The following NEK4 variants were observed in gnomAD, a reference collection of about 807,000 sequenced individuals.
NEK4 encodes serine/threonine-protein kinase Nek4.
A neutral mutation model predicts 98.4 loss-of-function variants in NEK4; 86 were observed. The observed-to-expected ratio is 0.87, with a 90% CI of 0.73 to 1.05. NEK4 has a LOEUF of 1.05. NEK4 is among the 50% of genes least tolerant of loss of function. The probability of loss-of-function intolerance (pLI) is 0.00; values close to 1 mark genes in which losing one functional copy is unlikely to be tolerated. For missense variants in NEK4, 898 were observed against 950.3 expected, an observed-to-expected ratio of 0.94 and a Z score of 0.72; for synonymous variants, 328 against 342.2, an observed-to-expected ratio of 0.96 and a Z score of 0.46.
At chr3:52,724,384 A>G (rs1016030475) in intron 15 of NEK4, among the ~76,000 whole-genome samples, 3 of 152,206 alleles carry the variant, frequency 2.0e-5, no homozygotes, top group Non-Finnish European at 1.5e-5. Flanking sequence ...GGAGGCCAGA[A>G]AGCAGTGGGC....
chr3:52,752,459 T>G, intron 6 of NEK4, 123 bp from the exon 7 acceptor site: 1 of 859,850 alleles, frequency 1.2e-6, no homozygotes, highest in Non-Finnish European at 1.8e-6. Flanking sequence ...ACTCAGCAAT[T>G]CCACTCCTAA....
intron 6 of NEK4, among the ~76,000 whole-genome samples, chr3:52,755,669 A>G (rs887035573): frequency 6.6e-6 from 1 of 152,178 alleles, no homozygotes; most frequent in Non-Finnish European, 1.5e-5. Flanking sequence ...TAGTCAATAT[A>G]GTACTAGAAG....
At chr3:52,736,223 A>G (rs527392582) in intron 15 of NEK4, among the ~76,000 whole-genome samples, 5 of 152,218 alleles carry the variant, frequency 3.3e-5, no homozygotes, top group Admixed American at 6.5e-5. Flanking sequence ...GCGGGGGGGA[A>G]TTTATTTTCC....
At chr3:52,716,774 A>C (rs539495799) in intron 15 of NEK4, among the ~76,000 whole-genome samples, 47 of 152,356 alleles carry the variant, frequency 3.1e-4, no homozygotes, top group Admixed American at 5.9e-4. Context: ...CTTTTGACAG[A>C]AGAAACATTT....
At chr3:52,735,549 T>C (rs1404749823) in intron 15 of NEK4, among the ~76,000 whole-genome samples, 1 of 152,232 alleles carries the variant, frequency 6.6e-6, no homozygotes, top group Non-Finnish European at 1.5e-5. Context: ...GGTTAAGAAA[T>C]GTGTTTTACG....
rs1294059279 is a variant in NEK4 at position 52,768,422 on chromosome 3, G to T, written c.276C>A (p.Tyr92Ter). 3.1e-6 allele frequency: 5 copies of T among 1,614,060 alleles called. No individual in the cohort carries two copies. Among genetic ancestry groups the T allele is most frequent in the Non-Finnish European group, 4.2e-6 (5 of 1,179,998 alleles). The change falls in exon 2 of 16, where the codon TAC (tyrosine) becomes TAA (stop). Residue 92 changes from tyrosine (Y) to a stop codon, truncating the protein, a stop_gained. Transcript: ENST00000233027. LOFTEE classifies it high-confidence loss of function. Reference sequence around the variant, plus strand: ...GCCCTTTCTGCTCCTTGAGCTTTCGGTACAAATCACCTCCTTCACAGAAGC... The same window carrying T: ...GCCCTTTCTGCTCCTTGAGCTTTCGTTACAAATCACCTCCTTCACAGAAGC... ...VMGFCEGGDLYRKLKEQKGQL... is the reference protein window; with the variant it reads ...VMGFCEGGDL
At chr3:52,746,986 G>T in intron 8 of NEK4, 82 bp from the exon 9 acceptor site, 5 of 1,137,054 alleles carry the variant, frequency 4.4e-6, no homozygotes, top group East Asian at 2.4e-5. Flanking sequence ...CATAAAAAGT[G>T]GCTTTTGTTT....
At chr3:52,717,225 T>A (rs545841982) in intron 15 of NEK4, among the ~76,000 whole-genome samples, 1 of 151,994 alleles carries the variant, frequency 6.6e-6, no homozygotes, top group African/African-American at 2.4e-5. Flanking sequence ...CTGGCCAACA[T>A]GGTGAAACCG....
At chr3:52,725,447 G>A (rs1258681244) in intron 15 of NEK4, among the ~76,000 whole-genome samples, 3 of 151,978 alleles carry the variant, frequency 2.0e-5, no homozygotes, top group African/African-American at 7.2e-5. Flanking sequence ...CCCGGGAGGC[G>A]GAGCTTGCAG....
intron 10 of NEK4, among the ~76,000 whole-genome samples, chr3:52,745,791 C>T (rs2097395082): frequency 6.6e-6 from 1 of 152,100 alleles, no homozygotes; most frequent in Admixed American, 6.6e-5. Context: ...GGCATGATCT[C>T]GGCTCACCTT....
chr3:52,739,083 A>T (rs2097381170), intron 14 of NEK4, among the ~76,000 whole-genome samples: 1 of 152,348 alleles, frequency 6.6e-6, no homozygotes, highest in South Asian at 2.1e-4. Flanking sequence ...TCCAATAAAC[A>T]CATGCTCTCC....
rs770001642 is a variant in NEK4, at chr3:52,749,698, G to T, written c.1500C>A (p.His500Gln). ...RVAGITGVCH[H>Q]AQDQVAGECI... ...GAAAAACTGCAAAAATTACCTGGGC[G>T]TGGTGGCACACGCCTGTAATCCCAG... Residue 500 changes from histidine to glutamine, a missense_variant, in exon 8 of 16, where the codon CAC (histidine) becomes CAA (glutamine). Transcript: ENST00000233027. The T allele has an allele frequency of 1.2e-5, 3 of 255,922 alleles. No individual in the cohort carries two copies. The highest frequency in any genetic ancestry group is 8.0e-6 in the Non-Finnish European group (1 of 125,538). The allele number at this position is 255,922 out of a possible 1,614,324, so 15.9% of individuals were successfully genotyped here. A position where few individuals can be genotyped will look rare whatever the true frequency, so the allele number is the denominator to read the frequency against.
chr3:52,752,255 A>C lies in NEK4; in HGVS notation c.1045T>G (p.Cys349Gly), dbSNP rs770577123. The change falls in exon 7 of 16, where the codon TGC becomes GGC. Residue 349 changes from cysteine to glycine, a missense_variant. Physicochemically the swap from Cys to Gly is radical, Grantham distance 159. Transcript: ENST00000233027. Reference sequence around the variant, plus strand: ...GTGGTATTGCTCAAGTCCTGTTTGCAGGTATGGGCTTTCAGACTGGCAGGT... The same window carrying C: ...GTGGTATTGCTCAAGTCCTGTTTGCCGGTATGGGCTTTCAGACTGGCAGGT... ...KSPASLKAHT[C>G]KQDLSNTTEL... 20 of 1,614,038 alleles carry C rather than the reference A, an allele frequency of 1.2e-5. 1 individual carries two copies. The South Asian group carries it at 2.0e-4, about 16-fold the overall frequency.
intron 15 of NEK4, among the ~76,000 whole-genome samples, chr3:52,712,124 T>A (rs748365403): frequency 2.0e-5 from 3 of 152,232 alleles, no homozygotes; most frequent in Non-Finnish European, 4.4e-5. Context: ...CATTCGTATA[T>A]AAAGAGTTCT....
intron 6 of NEK4, among the ~76,000 whole-genome samples, chr3:52,755,433 C>G (rs565208614): frequency 6.6e-6 from 1 of 151,318 alleles, no homozygotes; most frequent in South Asian, 2.1e-4. Context: ...AAAAAAAACA[C>G]ATGATCATCA....
intron 15 of NEK4, among the ~76,000 whole-genome samples, chr3:52,735,494 T>C (rs1291318673): frequency 6.6e-6 from 1 of 152,238 alleles, no homozygotes; most frequent in Non-Finnish European, 1.5e-5. Context: ...TGAATGAATT[T>C]TTCAACAAAA....
chr3:52,731,697 C>A (rs973378041), intron 15 of NEK4, among the ~76,000 whole-genome samples: 2 of 152,134 alleles, frequency 1.3e-5, no homozygotes, highest in African/African-American at 2.4e-5. Context: ...AAGGTCATGC[C>A]GCAGCACACA....
rs778563165 is a variant in NEK4 at position 52,743,448 on chromosome 3, C to T, written c.1908G>A (p.Arg636=). Reference sequence around the variant, plus strand: ...GCCCTGCTACACTCAGAGACGCTTTCCTCACTGAAGGGCCTGAAAAGGCAA... The same window carrying T: ...GCCCTGCTACACTCAGAGACGCTTTTCTCACTGAAGGGCCTGAAAAGGCAA... ...EEMSSSGPSV[R]KASLSVAGPG... Residue 636 remains arginine (R), a synonymous_variant, in exon 12 of 16, where the codon AGG becomes AGA. Coordinates refer to ENST00000233027, the MANE Select transcript of NEK4 (RefSeq NM_003157.6). 75 of 1,613,958 alleles carry T rather than the reference C, an allele frequency of 4.6e-5. No homozygotes were observed. The Admixed American group carries it at 6.2e-4, about 13-fold the overall frequency.
chr3:52,719,248 C>T (rs1017564140), intron 15 of NEK4, among the ~76,000 whole-genome samples: 14 of 152,132 alleles, frequency 9.2e-5, no homozygotes, highest in African/African-American at 3.4e-4. Context: ...AGAAAGGCAA[C>T]TGGGAGGAGA....
Sources: allele counts gnomAD v4.1 joint callset (sites outside exome capture counted in the v4.1 genomes callset), GRCh38; gene constraint gnomAD v4.1.1; transcripts MANE v1.5; gene names NCBI Gene and HGNC (gene_info 2026-07-23, HGNC 2026-07-21).